Variants in SPDYE1 observed in about 807,000 individuals in gnomAD.
The protein encoded by SPDYE1 is speedy/RINGO cell cycle regulator family member E1.
In SPDYE1, 29 loss-of-function variants were observed where a neutral mutation model predicts 45.9. The ratio of observed to expected loss-of-function variants is 0.63; its 90% CI spans 0.47 to 0.86. The LOEUF is 0.86. Among genes scored for constraint, SPDYE1 ranks in the 40% least tolerant of loss-of-function variants. The pLI, the probability that SPDYE1 is intolerant of heterozygous loss-of-function variation, is 0.00. For synonymous variants in SPDYE1, 134 were observed against 176.8 expected (o/e 0.76, Z 1.92); for missense variants, 346 against 481.4 (o/e 0.72, Z 2.63).
chr7:44,004,280 C>T (rs985689096), intron 5 of SPDYE1: 14 of 363,038 alleles, frequency 3.9e-5, no homozygotes, highest in African/African-American at 2.3e-4. Flanking sequence ...GGCAATCCAC[C>T]CACCTTGGCC....
At position 44,007,359 on chromosome 7, in the gene SPDYE1, T is replaced by C; in HGVS notation, c.844T>C (p.Leu282=). The stretch of plus-strand genomic sequence containing the variant: ...TGGGAAGAACCGCTCTCGCATACCC[T>C]TGCTCCGTAAGCGTCGGTTCCAGTT... ...LYGKNRSRIP[L]LRKRRFQLYR... is the part of the protein sequence containing the mutation. Residue 282 remains leucine (L), a synonymous_variant, in exon 7 of 9, where the codon TTG becomes CTG. Transcript: ENST00000693451. The C allele has an allele frequency of 6.2e-7, 1 of 1,613,300 alleles. No individual in the cohort carries two copies. The highest frequency in any genetic ancestry group is 8.5e-7 in the Non-Finnish European group (1 of 1,179,572).
At chr7:44,005,876 C>T (rs1176564879) in intron 6 of SPDYE1, among the ~76,000 whole-genome samples, 1 of 152,076 alleles carries the variant, frequency 6.6e-6, no homozygotes, top group Non-Finnish European at 1.5e-5. Flanking sequence ...ACGCCATCGA[C>T]CTCCTCTGGG....
At chr7:44,000,402 T>TCA (rs941265072) in intron 2 of SPDYE1, among the ~76,000 whole-genome samples, 1 of 144,460 alleles carries the variant, frequency 6.9e-6, no homozygotes, top group Non-Finnish European at 1.5e-5. Flanking sequence ...TGAGCTGAGA[T>TCA]CACGCTACTG....
In SPDYE1 at chr7:44,005,181, G is replaced by A. The variant is rs781278170; in HGVS notation, c.706G>A (p.Gly236Ser). The A allele has an allele frequency of 6.8e-6, 11 of 1,611,816 alleles. No homozygotes were observed. Among genetic ancestry groups the A allele is most frequent in the South Asian group, 5.5e-5 (5 of 90,988 alleles). The change falls in exon 6 of 9, where the codon GGC becomes AGC. Residue 236 changes from glycine (G) to serine (S), a missense_variant. Transcript: ENST00000693451. Reference sequence around the variant, plus strand: ...GGTCATAGCGTATTTCAGCCGAGCCGGCTTCCCCTCCTGGCAATACCAACG... The same window carrying A: ...GGTCATAGCGTATTTCAGCCGAGCCAGCTTCCCCTCCTGGCAATACCAACG... ...AMVIAYFSRAGFPSWQYQRLH... is the reference protein window; with the variant it reads ...AMVIAYFSRASFPSWQYQRLH...
At chr7:44,004,370 T>C (rs536166947) in intron 5 of SPDYE1, 38 of 248,742 alleles carry the variant, frequency 1.5e-4, no homozygotes, top group Non-Finnish European at 2.2e-4. Context: ...ACCCACAAAT[T>C]TTTTTTTTGT....
intron 6 of SPDYE1, among the ~76,000 whole-genome samples, chr7:44,005,495 T>A (rs1374159699): frequency 6.6e-6 from 1 of 152,086 alleles, no homozygotes; most frequent in Non-Finnish European, 1.5e-5. Flanking sequence ...CTGGCCAACA[T>A]GGCCAAACCC....
At chr7:44,006,693 C>A (rs1342704547) in intron 6 of SPDYE1, among the ~76,000 whole-genome samples, 1 of 152,238 alleles carries the variant, frequency 6.6e-6, no homozygotes, top group Non-Finnish European at 1.5e-5. Flanking sequence ...CAACTCACTG[C>A]AACCTCCGCC....
In SPDYE1 at chr7:44,001,205, T is replaced by C; in HGVS notation, c.300T>C (p.Cys100=). ...AGACCTGGGTAGTGGAGACGCTGTGTGGGCTCAAGATGAAGCTGAAGCAAC... is the reference window on the plus strand; with the variant it reads ...AGACCTGGGTAGTGGAGACGCTGTGCGGGCTCAAGATGAAGCTGAAGCAAC... ...PEETWVVETL[C]GLKMKLKQQR... The change falls in exon 3 of 9, where the codon TGT becomes TGC. Residue 100 remains cysteine, a synonymous_variant. Transcript: ENST00000693451. The C allele has an allele frequency of 6.3e-7, 1 of 1,598,260 alleles. No individual in the cohort carries two copies. Among genetic ancestry groups the C allele is most frequent in the African/African-American group, 1.3e-5 (1 of 74,948 alleles).
rs1562634417 is a variant in SPDYE1, at chr7:44,009,228, TGA to T, written c.*611_*612del. The T allele has an allele frequency of 1.2e-5, 2 of 164,414 alleles. No homozygotes were observed. The highest frequency in any genetic ancestry group is 2.5e-5 in the Non-Finnish European group (2 of 79,428). 10.2% of individuals were successfully genotyped at this position (164,414 alleles called of 1,614,324 possible). On this transcript the variant is annotated 3_prime_UTR_variant, in exon 9 of 9. Coordinates refer to ENST00000693451, the MANE Select transcript of SPDYE1 (RefSeq NM_001378423.2). ...ACATGCTGTTCCTGTAGTTTTTTGA[TGA>T]GAGTTATAGTTGTTATATATACATA...
At chr7:43,999,251 G>A (rs544400894) in intron 1 of SPDYE1, among the ~76,000 whole-genome samples, 1 of 152,234 alleles carries the variant, frequency 6.6e-6, no homozygotes, top group African/African-American at 2.4e-5. Flanking sequence ...AATGTCTCTT[G>A]GACTCAAAAT....
rs1452720820 is a variant in SPDYE1 at position 43,999,650 on chromosome 7, C to G, written c.-300C>G. ...GAGGGATGTGGAGTCCCTGAAGATG[C>G]TTTTGGACAATGGTCTGAGGTTGGG... On this transcript the variant is annotated 5_prime_UTR_variant, in exon 2 of 9. Coordinates refer to ENST00000693451, the MANE Select transcript of SPDYE1 (RefSeq NM_001378423.2). 3.4e-5 allele frequency among the ~76,000 whole-genome samples: 5 copies of G among 146,612 alleles called. No homozygotes were observed. The highest frequency in any genetic ancestry group is 2.2e-4 in the South Asian group (1 of 4,458).
Position 44,000,822 on chromosome 7 carries a change from G to C in SPDYE1, c.161-244G>C, listed in dbSNP as rs951456506. ...AAAACAAAACAAAACAAAAAAGGAG[G>C]GACTCAGAGAGCCAGGGACCAGGGA... On this transcript the variant is annotated intron_variant, in intron 2 of 8. Transcript: ENST00000693451. The C allele has an allele frequency of 2.6e-5, 26 of 1,000,318 alleles. 3 individuals are homozygous for C. The highest frequency in any genetic ancestry group is 3.2e-5 in the Non-Finnish European group (25 of 788,228). 62.0% of individuals were successfully genotyped at this position (1,000,318 alleles called of 1,614,324 possible). A position where few individuals can be genotyped will look rare whatever the true frequency, so the allele number is the denominator to read the frequency against.
At chr7:44,005,579 G>A (rs62458720) in intron 6 of SPDYE1, among the ~76,000 whole-genome samples, 5,336 of 151,900 alleles carry the variant, frequency 0.035, 134 homozygotes, top group Non-Finnish European at 0.056. Flanking sequence ...TCGGGAGGCT[G>A]AGGCAAGAGA....
At chr7:44,002,325 A>C (rs1390576182) in intron 3 of SPDYE1, among the ~76,000 whole-genome samples, 2 of 130,740 alleles carry the variant, frequency 1.5e-5, no homozygotes, top group Non-Finnish European at 3.3e-5. Context: ...ACAACAAAAA[A>C]AAAAAAAAAA....
Position 44,009,047 on chromosome 7 carries a change from T to C in SPDYE1, c.*426T>C, listed in dbSNP as rs1193757762. The C allele has an allele frequency of 2.4e-5, 8 of 331,852 alleles. No homozygotes were observed. The highest frequency in any genetic ancestry group is 4.7e-5 in the Non-Finnish European group (8 of 171,964). The allele number at this position is 331,852 out of a possible 1,614,324, so 20.6% of individuals were successfully genotyped here. On this transcript the variant is annotated 3_prime_UTR_variant, in exon 9 of 9. Transcript: ENST00000693451. ...TGAAGGCACAATGCAGGGGCTCAGATTGGCACAGAATTCTTTTGTGAAATA... is the reference window on the plus strand; with the variant it reads ...TGAAGGCACAATGCAGGGGCTCAGACTGGCACAGAATTCTTTTGTGAAATA...
Position 44,007,901 on chromosome 7 carries a change from C to T in SPDYE1, c.*45+88C>T, listed in dbSNP as rs2096074015. On this transcript the variant is annotated intron_variant, in intron 8 of 8. Transcript: ENST00000693451. Reference sequence around the variant, plus strand: ...CCCAATTGCTTGATCCGGCTTCAAGCCTGGGCAACGTGGCGAGATCCCCTC... The same window carrying T: ...CCCAATTGCTTGATCCGGCTTCAAGTCTGGGCAACGTGGCGAGATCCCCTC... 4.5e-6 allele frequency: 7 copies of T among 1,545,628 alleles called. No homozygotes were observed. In the East Asian group the frequency reaches 9.5e-5, roughly 21 times the overall value.
intron 3 of SPDYE1, among the ~76,000 whole-genome samples, 175 bp from the exon 4 acceptor site, chr7:44,002,415 G>A (rs1446131873): frequency 6.8e-6 from 1 of 146,530 alleles, no homozygotes; most frequent in Non-Finnish European, 1.5e-5. Context: ...AGAATGGGGA[G>A]GAGAAGGAGC....
intron 3 of SPDYE1, 113 bp downstream of exon 3, chr7:44,001,397 C>T: frequency 1.9e-6 from 3 of 1,538,858 alleles, no homozygotes; most frequent in South Asian, 1.2e-5. Flanking sequence ...GTGAGATCTC[C>T]ACGCAGGAGG....
At chr7:44,005,040 C>G in intron 5 of SPDYE1, 102 bp from the exon 6 acceptor site, 1 of 1,364,200 alleles carries the variant, frequency 7.3e-7, no homozygotes, top group South Asian at 1.2e-5. Flanking sequence ...GAGGTCCCTT[C>G]TCTGATGGGC....
Sources: gnomAD v4.1 joint callset for allele counts (sites outside exome capture counted in the v4.1 genomes callset) on GRCh38, gnomAD v4.1.1 for gene constraint, MANE v1.5 for transcripts, NCBI Gene and HGNC (gene_info 2026-07-23, HGNC 2026-07-21) for gene names.